ACTN4: variants seen among roughly 807,000 people sequenced by gnomAD.
ACTN4 encodes alpha-actinin-4.
In ACTN4, 18 loss-of-function variants were observed where a neutral mutation model predicts 114.2. The ratio of observed to expected loss-of-function variants is 0.16; its 90% CI spans 0.11 to 0.23. ACTN4 has a LOEUF of 0.23. ACTN4 is among the 10% of genes least tolerant of loss of function. The pLI is 1.00. For synonymous variants in ACTN4, 515 were observed against 506.3 expected (o/e 1.02, Z -0.23); for missense variants, 722 against 1,262.9 (o/e 0.57, Z 6.49).
At chr19:38,678,897 T>C (rs1316763761) in intron 1 of ACTN4, among the ~76,000 whole-genome samples, 1 of 152,198 alleles carries the variant, frequency 6.6e-6, no homozygotes, top group African/African-American at 2.4e-5. Context: ...GTGGCTTGTT[T>C]ATCTGATGGT....
chr19:38,661,974 G>C (rs987220177), intron 1 of ACTN4, among the ~76,000 whole-genome samples: 2 of 152,146 alleles, frequency 1.3e-5, no homozygotes, highest in Non-Finnish European at 2.9e-5. Flanking sequence ...TTTTAAACTG[G>C]CTTTTCTCCT....
chr19:38,660,818 G>A (rs1181349119), intron 1 of ACTN4, among the ~76,000 whole-genome samples: 1 of 152,172 alleles, frequency 6.6e-6, no homozygotes, highest in Non-Finnish European at 1.5e-5. Flanking sequence ...TAGAAGTTGA[G>A]GCTTTCAAGT....
At chr19:38,721,425 G>A in intron 11 of ACTN4, 113 bp from the exon 12 acceptor site, 1 of 1,288,344 alleles carries the variant, frequency 7.8e-7, no homozygotes, top group Non-Finnish European at 1.1e-6. Flanking sequence ...CATTGGCATG[G>A]AAGGATGTGG....
intron 2 of ACTN4, 60 bp downstream of exon 2, chr19:38,700,774 TC>T: frequency 6.6e-7 from 1 of 1,513,282 alleles, no homozygotes. Context: ...GCCACAGCGG[TC>T]CCCAGAGACC....
Position 38,727,835 on chromosome 19 carries a change from T to C in ACTN4, c.2338-111T>C, listed in dbSNP as rs1969293292. ...TGTCCATGTTGCCTCTAACTCTGTG[T>C]TTCCCTCCCCTACGTGTCCCTTCCC... On this transcript the variant is annotated intron_variant, in intron 18 of 20. Coordinates refer to ENST00000252699, the MANE Select transcript of ACTN4 (RefSeq NM_004924.6). The surrounding 1 kb of genome is among the most constrained non-coding windows in gnomAD (Gnocchi z 5.4). 9.8e-7 allele frequency: 1 copy of C among 1,024,944 alleles called. No homozygotes were observed. Among genetic ancestry groups the C allele is most frequent in the South Asian group, 1.4e-5 (1 of 71,508 alleles). The allele number at this position is 1,024,944 out of a possible 1,614,324, so 63.5% of individuals were successfully genotyped here. A position where few individuals can be genotyped will look rare whatever the true frequency, so the allele number is the denominator to read the frequency against.
chr19:38,694,768 G>A (rs1349124094), intron 1 of ACTN4, among the ~76,000 whole-genome samples: 1 of 152,206 alleles, frequency 6.6e-6, no homozygotes, highest in East Asian at 1.9e-4. Context: ...GGGGTTGGAG[G>A]TTTTAAAGAG....
chr19:38,692,377 G>C (rs779136260), intron 1 of ACTN4, among the ~76,000 whole-genome samples: 2 of 152,218 alleles, frequency 1.3e-5, no homozygotes, highest in Admixed American at 1.3e-4. Context: ...CTAATTTGTG[G>C]CTGTGTTATT....
Position 38,673,517 on chromosome 19 carries a change from T to TATTCATATATATTTATATATATGAATA in ACTN4, c.162+25610_162+25611insATTCATATATATTTATATATATGAATA, listed in dbSNP as rs1555826155. 4.7e-4 allele frequency among the ~76,000 whole-genome samples: 38 copies of TATTCATATATATTTATATATATGAATA among 80,394 alleles called. 3 individuals are homozygous for TATTCATATATATTTATATATATGAATA. The highest frequency in any genetic ancestry group is 1.9e-3 in the East Asian group (5 of 2,632). The allele number at this position is 80,394 out of a possible 152,430, so 52.7% of individuals were successfully genotyped here. ...TATATTTATATATATGAATATATAT[T>TATTCATATATATTTATATATATGAATA]TATATATATTCATATATACTTATAT... is the stretch of plus-strand genomic sequence containing the variant. On this transcript the variant is annotated intron_variant, in intron 1 of 20. Coordinates refer to ENST00000252699, the MANE Select transcript of ACTN4 (RefSeq NM_004924.6).
At chr19:38,704,818 G>A in intron 3 of ACTN4, 116 bp from the exon 4 acceptor site, 2 of 849,466 alleles carry the variant, frequency 2.4e-6, no homozygotes, top group South Asian at 1.4e-5. Flanking sequence ...ATGCAACCAG[G>A]GGGTGGTTTG....
At chr19:38,700,783 AC>A in intron 2 of ACTN4, 69 bp downstream of exon 2, 19 of 1,464,800 alleles carry the variant, frequency 1.3e-5, no homozygotes, top group Non-Finnish European at 1.8e-5. Flanking sequence ...GTCCCCAGAG[AC>A]CCTGCCCACC....
chr19:38,721,442 C>G, intron 11 of ACTN4, 96 bp from the exon 12 acceptor site: 1 of 1,438,464 alleles, frequency 7.0e-7, no homozygotes, highest in Non-Finnish European at 9.7e-7. Context: ...GTGGGGTCCA[C>G]AGTCTCTCTT....
chr19:38,687,726 A>G (rs572450553), intron 1 of ACTN4, among the ~76,000 whole-genome samples: 22 of 152,350 alleles, frequency 1.4e-4, no homozygotes, highest in East Asian at 5.8e-4. Context: ...GGGTTAGGCA[A>G]TGGTTATTAG....
At chr19:38,725,357 A>T (rs1403187231) in intron 16 of ACTN4, among the ~76,000 whole-genome samples, 2 of 152,222 alleles carry the variant, frequency 1.3e-5, no homozygotes, top group Non-Finnish European at 2.9e-5. Flanking sequence ...GCCAGGGTTC[A>T]GATCCCAACT....
Position 38,700,502 on chromosome 19 carries a change from G to A in ACTN4, c.163-98G>A, listed in dbSNP as rs558179069. On this transcript the variant is annotated intron_variant, in intron 1 of 20. Transcript: ENST00000252699. The stretch of plus-strand genomic sequence containing the variant: ...TCGGCGAGTGCTCCGTGGCAGCTGC[G>A]GTTCTCCTGAGGTCAGAGCTGCGGC... The A allele has an allele frequency of 1.2e-4, 118 of 968,076 alleles. 1 individual carries two copies. In the South Asian group the frequency reaches 1.3e-3, roughly 11 times the overall value. 60.0% of individuals were successfully genotyped at this position (968,076 alleles called of 1,614,324 possible). A position where few individuals can be genotyped will look rare whatever the true frequency, so the allele number is the denominator to read the frequency against.
In ACTN4 at chr19:38,727,417, A is replaced by G. The variant is rs1969273498; in HGVS notation, c.2337+314A>G. 6.6e-6 allele frequency among the ~76,000 whole-genome samples: 1 copy of G among 152,128 alleles called. No homozygotes were observed. The highest frequency in any genetic ancestry group is 1.9e-4 in the East Asian group (1 of 5,196). On this transcript the variant is annotated intron_variant, in intron 18 of 20. Transcript: ENST00000252699. This position sits in a 1 kb window ranked among gnomAD's most constrained non-coding sequence, Gnocchi z 5.4. Reference sequence around the variant, plus strand: ...TTTGCGACCCGGTCTGTGAACCTGGACACAGACACCCCGCACAGTGCTTTT... The same window carrying G: ...TTTGCGACCCGGTCTGTGAACCTGGGCACAGACACCCCGCACAGTGCTTTT...
At chr19:38,653,122 G>A (rs972225758) in intron 1 of ACTN4, among the ~76,000 whole-genome samples, 1 of 151,708 alleles carries the variant, frequency 6.6e-6, no homozygotes, top group African/African-American at 2.4e-5. Flanking sequence ...AGAGGGGAGC[G>A]GGGACAAGTT....
chr19:38,728,941 GCTGCCCCTGCCCCA>G, intron 19 of ACTN4, 41 bp from the exon 20 acceptor site: 1 of 1,607,916 alleles, frequency 6.2e-7, no homozygotes, highest in East Asian at 2.2e-5. Flanking sequence ...TGTGGGCCTG[GCTGCCCCTGCCCCA>G]CTAAATGTCG....
At chr19:38,711,272 G>T in intron 8 of ACTN4, 1 of 1,015,616 alleles carries the variant, frequency 9.8e-7, no homozygotes, top group Non-Finnish European at 1.2e-6. Context: ...CTCTCTCTGT[G>T]CAGATATTGT....
In ACTN4 at chr19:38,705,074, G is replaced by A. The variant is rs902334113; in HGVS notation, c.484+54G>A. On this transcript the variant is annotated intron_variant, in intron 4 of 20. Transcript: ENST00000252699. ...CCCACCTGAGTCAGGGCGGGTTAGA[G>A]GAGAGCTGAAGTGTGATCTTCATGC... 3.3e-6 allele frequency: 5 copies of A among 1,500,980 alleles called. No individual in the cohort carries two copies. In the African/African-American group the frequency reaches 4.1e-5, roughly 12 times the overall value. 93.0% of individuals were successfully genotyped at this position (1,500,980 alleles called of 1,614,324 possible).
Sources: gnomAD v4.1 joint callset for allele counts (sites outside exome capture counted in the v4.1 genomes callset) on GRCh38, gnomAD v4.1.1 for gene constraint, Gnocchi (gnomAD v3.1) non-coding constraint, MANE v1.5 for transcripts, NCBI Gene and HGNC (gene_info 2026-07-23, HGNC 2026-07-21) for gene names.